SLC18B1: variants seen among roughly 807,000 people sequenced by gnomAD.
SLC18B1 encodes the protein solute carrier family 18 member B1, also known as MFS-type transporter SLC18B1.
SLC18B1 carries 62 observed loss-of-function variants against 53.9 expected under a neutral mutation model. That is an observed-to-expected ratio of 1.15 (90% CI 0.94 to 1.42). SLC18B1 has a LOEUF of 1.42. SLC18B1 is among the 40% of genes most tolerant of loss of function. The pLI is 0.00. For synonymous variants in SLC18B1, 217 were observed against 200.9 expected, an observed-to-expected ratio of 1.08 and a Z score of -0.68; for missense variants, 598 against 547.3, an observed-to-expected ratio of 1.09 and a Z score of -0.93.
In SLC18B1 at chr6:132,779,140, G is replaced by A. The variant is rs565324648; in HGVS notation, c.795+128C>T. ...ACGGTAGAGAGGGACACGCTACCTC[G>A]GTGTGTAGTGCCCATTCTACCTTCT... On this transcript the variant is annotated intron_variant, in intron 7 of 13. Transcript: ENST00000275227. 1.7e-4 allele frequency: 174 copies of A among 996,564 alleles called. 1 individual carries two copies. The African/African-American group carries it at 2.5e-3, about 14-fold the overall frequency. 61.7% of individuals were successfully genotyped at this position (996,564 alleles called of 1,614,324 possible).
intron 9 of SLC18B1, 109 bp from the exon 10 acceptor site, chr6:132,773,197 C>G (rs1180904470): frequency 1.6e-6 from 1 of 629,908 alleles, no homozygotes; most frequent in African/African-American, 1.9e-5. Flanking sequence ...GTTATTTCAC[C>G]GATTATGTGC....
At chr6:132,777,515 C>T (rs1781129144) in intron 7 of SLC18B1, among the ~76,000 whole-genome samples, 1 of 152,162 alleles carries the variant, frequency 6.6e-6, no homozygotes, top group Admixed American at 6.5e-5. Context: ...AGATCGAGAC[C>T]ATCCTGGCTA....
chr6:132,774,735 C>T (rs976347520), intron 8 of SLC18B1, among the ~76,000 whole-genome samples: 1 of 152,026 alleles, frequency 6.6e-6, no homozygotes, highest in Non-Finnish European at 1.5e-5. Context: ...ATGGTGAAAC[C>T]CTGTCTCTAT....
At chr6:132,772,244 G>A (rs1268644020) in intron 10 of SLC18B1, 38 bp from the exon 11 acceptor site, 2 of 1,362,998 alleles carry the variant, frequency 1.5e-6, no homozygotes, top group Non-Finnish European at 2.0e-6. Flanking sequence ...TTATTAAAAG[G>A]AAAACCTGTG....
chr6:132,797,485 C>T (rs1035184349), intron 1 of SLC18B1, among the ~76,000 whole-genome samples: 1 of 152,176 alleles, frequency 6.6e-6, no homozygotes, highest in African/African-American at 2.4e-5. Context: ...TGTATCCCAG[C>T]TACTCGGGAG....
rs895989268 is a variant in SLC18B1 at position 132,779,259 on chromosome 6, G to A, written c.795+9C>T. Reference sequence around the variant, plus strand: ...CAATGCAGCACTCTTCAGCAATCAGGTAACTTACCTTCTCCAAAACAAAGA... The same window carrying A: ...CAATGCAGCACTCTTCAGCAATCAGATAACTTACCTTCTCCAAAACAAAGA... On this transcript the variant is annotated intron_variant, in intron 7 of 13. Transcript: ENST00000275227. 2.5e-6 allele frequency: 4 copies of A among 1,613,402 alleles called. No individual in the cohort carries two copies. Among genetic ancestry groups the A allele is most frequent in the East Asian group, 2.2e-5 (1 of 44,866 alleles).
chr6:132,789,273 A>G (rs1214373603), intron 4 of SLC18B1, among the ~76,000 whole-genome samples: 1 of 152,200 alleles, frequency 6.6e-6, no homozygotes, highest in Admixed American at 6.5e-5. Context: ...GCGGGGCTTC[A>G]TTCTGTGACT....
At position 132,790,273 on chromosome 6, in the gene SLC18B1, C is replaced by T. The variant is rs1185818724; in HGVS notation, c.184-1G>A. ...TATTGCTGGCTCCCTTCTTTTCAGC[C>T]TTTAAGTAATAGAAACGGAAACAAA... On this transcript the variant is annotated splice_acceptor_variant, in intron 2 of 13. Transcript: ENST00000275227. LOFTEE classifies it high-confidence loss of function. 6.5e-7 allele frequency: 1 copy of T among 1,528,162 alleles called. No homozygotes were observed. The highest frequency in any genetic ancestry group is 2.2e-5 in the Admixed American group (1 of 45,212). 94.7% of individuals were successfully genotyped at this position (1,528,162 alleles called of 1,614,324 possible).
At chr6:132,784,329 T>TA (rs1428756100) in intron 5 of SLC18B1, among the ~76,000 whole-genome samples, 1 of 151,844 alleles carries the variant, frequency 6.6e-6, no homozygotes, top group African/African-American at 2.4e-5. Context: ...ACACAGAAGA[T>TA]AAAAAAGATT....
chr6:132,782,347 G>A (rs921180538), intron 6 of SLC18B1, among the ~76,000 whole-genome samples: 5 of 152,078 alleles, frequency 3.3e-5, no homozygotes, highest in Non-Finnish European at 7.4e-5. Context: ...ATACATTGTA[G>A]AATAAGTAAA....
chr6:132,777,718 A>C (rs1164030915), intron 7 of SLC18B1, among the ~76,000 whole-genome samples: 5 of 152,232 alleles, frequency 3.3e-5, no homozygotes. Flanking sequence ...CATCTCAAAC[A>C]AAACAAAACA....
Position 132,787,713 on chromosome 6 carries a change from T to A in SLC18B1, c.354-132A>T, listed in dbSNP as rs1428573830. On this transcript the variant is annotated intron_variant, in intron 4 of 13. Coordinates refer to ENST00000275227, the MANE Select transcript of SLC18B1 (RefSeq NM_052831.3). The stretch of plus-strand genomic sequence containing the variant: ...AGAATAAACCGCTTTAGAATATGAT[T>A]TTTTTAAAAGAGTTGCTTTGTTGTC... 5.2e-6 allele frequency: 4 copies of A among 770,974 alleles called. No individual in the cohort carries two copies. The South Asian group carries it at 1.8e-4, about 34-fold the overall frequency. 47.8% of individuals were successfully genotyped at this position (770,974 alleles called of 1,614,324 possible). A position where few individuals can be genotyped will look rare whatever the true frequency, so the allele number is the denominator to read the frequency against.
chr6:132,781,765 A>AAAAG (rs1554221895), intron 6 of SLC18B1, among the ~76,000 whole-genome samples: 2 of 151,890 alleles, frequency 1.3e-5, no homozygotes, highest in Non-Finnish European at 2.9e-5. Flanking sequence ...TTTAAAAAAA[A>AAAAG]AAAAGAAAAG....
intron 5 of SLC18B1, among the ~76,000 whole-genome samples, chr6:132,784,877 C>T (rs1429766978): frequency 6.6e-6 from 1 of 152,036 alleles, no homozygotes; most frequent in Non-Finnish European, 1.5e-5. Flanking sequence ...ACTATACAGA[C>T]AGTAAGAACA....
Position 132,787,426 on chromosome 6 carries a change from A to C in SLC18B1, c.501+8T>G. 1.3e-6 allele frequency: 2 copies of C among 1,563,798 alleles called. No individual in the cohort carries two copies. Among genetic ancestry groups the C allele is most frequent in the Non-Finnish European group, 1.7e-6 (2 of 1,161,466 alleles). On this transcript the variant is annotated splice_region_variant and intron_variant, in intron 5 of 13. Transcript: ENST00000275227. ...AAGGAAAGTGGGAAATACTTCTAAAATACATACCAATACCGTAGCCACGTT... is the reference window on the plus strand; with the variant it reads ...AAGGAAAGTGGGAAATACTTCTAAACTACATACCAATACCGTAGCCACGTT...
Position 132,776,425 on chromosome 6 carries a change from T to A in SLC18B1, c.800A>T (p.Asn267Ile). The A allele has an allele frequency of 6.2e-7, 1 of 1,611,300 alleles. No individual in the cohort carries two copies. Among genetic ancestry groups the A allele is most frequent in the Non-Finnish European group, 8.5e-7 (1 of 1,178,286 alleles). ...TAGTCCCACATATCCAGCTGGTAAA[T>A]TGAACTGTAAAAGAAATCCTATATT... Reference protein sequence around the residue: ...TLSLFVLEKFNLPAGYVGLVF... With the variant: ...TLSLFVLEKFILPAGYVGLVF... The change falls in exon 8 of 14, where the codon AAT (asparagine) becomes ATT (isoleucine). Residue 267 changes from asparagine to isoleucine, a missense_variant. By Grantham distance (149) the Asn-to-Ile change is moderately radical. Transcript: ENST00000275227.
At chr6:132,783,592 G>T (rs1781292577) in intron 6 of SLC18B1, among the ~76,000 whole-genome samples, 2 of 152,236 alleles carry the variant, frequency 1.3e-5, no homozygotes, top group South Asian at 2.1e-4. Context: ...GATGGGCATT[G>T]TTCTCCTAGC....
At position 132,787,422 on chromosome 6, in the gene SLC18B1, T is replaced by C; in HGVS notation, c.501+12A>G. On this transcript the variant is annotated intron_variant, in intron 5 of 13. Transcript: ENST00000275227. ...CTCAAAGGAAAGTGGGAAATACTTC[T>C]AAAATACATACCAATACCGTAGCCA... 1 of 1,553,056 alleles carries C rather than the reference T, an allele frequency of 6.4e-7. No individual in the cohort carries two copies. The highest frequency in any genetic ancestry group is 8.7e-7 in the Non-Finnish European group (1 of 1,155,706).
intron 9 of SLC18B1, among the ~76,000 whole-genome samples, chr6:132,773,310 A>C (rs1324237260): frequency 6.6e-6 from 1 of 151,652 alleles, no homozygotes; most frequent in Non-Finnish European, 1.5e-5. Context: ...ATTCATCCTG[A>C]TATCTCCATC....
Sources: allele counts gnomAD v4.1 joint callset (sites outside exome capture counted in the v4.1 genomes callset), GRCh38; gene constraint gnomAD v4.1.1; transcripts MANE v1.5; gene names NCBI Gene and HGNC (gene_info 2026-07-23, HGNC 2026-07-21).